DISC1: variants seen among roughly 807,000 people sequenced by gnomAD.
DISC1 encodes disrupted in schizophrenia 1 protein.
Under a neutral mutation model 84.5 loss-of-function variants are expected in DISC1, and 57 were observed. That is an observed-to-expected ratio of 0.67 (90% CI 0.55 to 0.84). The LOEUF (loss-of-function observed/expected upper bound fraction) is 0.84, where lower values mean the gene tolerates loss of function less well. Among genes scored for constraint, DISC1 ranks in the 40% least tolerant of loss-of-function variants. DISC1 has a pLI of 0.00. For synonymous variants in DISC1, 411 were observed against 415.2 expected (o/e 0.99, Z 0.12); for missense variants, 1,000 against 1,057.8 (o/e 0.95, Z 0.76).
rs544519977 is a variant in DISC1, at chr1:231,929,446, G to A, written c.1982-29382G>A. On this transcript the variant is annotated intron_variant, in intron 9 of 12. Transcript: ENST00000439617. ...TTTTTAACCCTGAGACGCCGAAAACGGCTTGAATCATTCATGCTGTCGTCT... is the reference window on the plus strand; with the variant it reads ...TTTTTAACCCTGAGACGCCGAAAACAGCTTGAATCATTCATGCTGTCGTCT... Among the ~76,000 whole-genome samples the A allele has an allele frequency of 4.6e-5, 7 of 152,290 alleles. No individual in the cohort carries two copies. The East Asian group carries it at 1.2e-3, about 25-fold the overall frequency.
chr1:231,697,733 G>A (rs944432251), intron 2 of DISC1, among the ~76,000 whole-genome samples: 1 of 151,582 alleles, frequency 6.6e-6, no homozygotes, highest in Non-Finnish European at 1.5e-5. Context: ...ACAGGCATGA[G>A]CCACCATGCC....
chr1:231,996,971 C>T (rs1309458051), intron 10 of DISC1, among the ~76,000 whole-genome samples: 2 of 152,166 alleles, frequency 1.3e-5, no homozygotes, highest in African/African-American at 4.8e-5. Context: ...GCAGAAATAG[C>T]AAAGCTTCTG....
intron 9 of DISC1, among the ~76,000 whole-genome samples, chr1:231,886,758 CCTTCCTTCCTTTCTTTCTTTCTTT>C (rs2086712949): frequency 1.0e-5 from 1 of 95,760 alleles, no homozygotes; most frequent in African/African-American, 3.9e-5. Context: ...TTCCTTTCTT[CCTTCCTTCCTTTCTTTCTTTCTTT>C]CTTTCTTTCT....
intron 10 of DISC1, among the ~76,000 whole-genome samples, chr1:231,987,745 G>C (rs774753355): frequency 2.0e-5 from 3 of 152,176 alleles, no homozygotes; most frequent in Non-Finnish European, 4.4e-5. Flanking sequence ...AAACTTCAAA[G>C]GGATCTAAGA....
chr1:231,821,122 T>C (rs1233802593), intron 9 of DISC1, among the ~76,000 whole-genome samples: 1 of 152,186 alleles, frequency 6.6e-6, no homozygotes, highest in Non-Finnish European at 1.5e-5. Flanking sequence ...TGATGTCTTT[T>C]AAAATAGTAA....
chr1:231,875,800 A>G (rs759706554), intron 9 of DISC1, among the ~76,000 whole-genome samples: 8 of 152,094 alleles, frequency 5.3e-5, no homozygotes, highest in Admixed American at 2.0e-4. Flanking sequence ...GACAACTTAG[A>G]TCATTCACAA....
At position 231,694,317 on chromosome 1, in the gene DISC1, T is replaced by C; in HGVS notation, c.559T>C (p.Cys187Arg). 1 of 1,614,270 alleles carries C rather than the reference T, an allele frequency of 6.2e-7. No individual in the cohort carries two copies. The highest frequency in any genetic ancestry group is 8.5e-7 in the Non-Finnish European group (1 of 1,180,046). Residue 187 changes from cysteine to arginine, a missense_variant, in exon 2 of 13, where the codon TGC (cysteine) becomes CGC (arginine). Around this residue, in one of 3 missense-constraint regions of DISC1, gnomAD observed 292 missense variants for 280.2 expected, o/e 1.04. Coordinates refer to ENST00000439617, the MANE Select transcript of DISC1 (RefSeq NM_018662.3). ...ATCAGCAGAGTTGAGTAGCAACAGC[T>C]GCAGCCCTGGCTGTGGCCCTGAGGT... Reference protein sequence around the residue: ...LPSAELSSNSCSPGCGPEVPP... With the variant: ...LPSAELSSNSRSPGCGPEVPP...
intron 6 of DISC1, among the ~76,000 whole-genome samples, chr1:231,791,442 A>T (rs2078345061): frequency 6.6e-6 from 1 of 152,220 alleles, no homozygotes; most frequent in African/African-American, 2.4e-5. Flanking sequence ...TACAATGTAG[A>T]TAATTAGAGT....
intron 1 of DISC1, among the ~76,000 whole-genome samples, chr1:231,667,943 C>T (rs2062178874): frequency 1.3e-5 from 2 of 151,806 alleles, no homozygotes; most frequent in Admixed American, 1.3e-4. Flanking sequence ...GTAATGCAAG[C>T]TACTTGGGAG....
chr1:231,960,955 T>C (rs6670775), intron 10 of DISC1, among the ~76,000 whole-genome samples: 33,562 of 152,194 alleles, frequency 0.22, 4,057 homozygotes, highest in African/African-American at 0.3. Context: ...AAAACACTTA[T>C]ATTTACTGGT....
chr1:231,692,816 C>T (rs1265580629), intron 1 of DISC1, among the ~76,000 whole-genome samples: 1 of 152,190 alleles, frequency 6.6e-6, no homozygotes, highest in African/African-American at 2.4e-5. Context: ...TCTCAGTTGC[C>T]TTTAATATAA....
At chr1:231,968,411 C>G (rs1016654478) in intron 10 of DISC1, among the ~76,000 whole-genome samples, 5 of 151,998 alleles carry the variant, frequency 3.3e-5, no homozygotes, top group Non-Finnish European at 5.9e-5. Context: ...GTACCCTGAG[C>G]AGACGTACCA....
chr1:231,959,814 G>A (rs1239468648), intron 10 of DISC1, among the ~76,000 whole-genome samples: 2 of 152,204 alleles, frequency 1.3e-5, no homozygotes, highest in Non-Finnish European at 2.9e-5. Flanking sequence ...GTGGTTAGCA[G>A]AGGTGAGCAG....
chr1:231,818,055 A>G (rs1057054284), intron 8 of DISC1, among the ~76,000 whole-genome samples: 3 of 152,194 alleles, frequency 2.0e-5, no homozygotes, highest in East Asian at 3.9e-4. Context: ...TTTTTGGGTC[A>G]TCATACTTTA....
rs181037363 is a variant in DISC1, at chr1:231,694,626, G to A, written c.868G>A (p.Asp290Asn). 5 of 1,614,262 alleles carry A rather than the reference G, an allele frequency of 3.1e-6. No individual in the cohort carries two copies. The East Asian group carries it at 8.9e-5, about 29-fold the overall frequency. ...AARNSSRPERDMHSLPDMDPG... is the reference protein window; with the variant it reads ...AARNSSRPERNMHSLPDMDPG... ...AAGGAACAGCTCCAGGCCAGAGCGT[G>A]ACATGCATTCTTTACCAGACATGGA... The change falls in exon 2 of 13, where the codon GAC (aspartate) becomes AAC (asparagine). Residue 290 changes from aspartate (D) to asparagine (N), a missense_variant. Coordinates refer to ENST00000439617, the MANE Select transcript of DISC1 (RefSeq NM_018662.3).
intron 10 of DISC1, among the ~76,000 whole-genome samples, chr1:231,967,586 T>G (rs1336451465): frequency 6.6e-6 from 1 of 152,232 alleles, no homozygotes; most frequent in African/African-American, 2.4e-5. Context: ...CATAGCAGTC[T>G]CCATAAAATA....
At chr1:231,797,522 T>C (rs1416586541) in intron 7 of DISC1, among the ~76,000 whole-genome samples, 2 of 152,160 alleles carry the variant, frequency 1.3e-5, no homozygotes, top group South Asian at 2.1e-4. Context: ...CTTCTTGTTG[T>C]ATTCCTGCAT....
chr1:231,822,796 C>T (rs541996445), intron 9 of DISC1, among the ~76,000 whole-genome samples: 1 of 152,294 alleles, frequency 6.6e-6, no homozygotes, highest in Admixed American at 6.5e-5. Context: ...TGCTTCCACT[C>T]ATGGCAGAAG....
chr1:231,773,298 T>C (rs748342247), intron 6 of DISC1, among the ~76,000 whole-genome samples: 1 of 152,224 alleles, frequency 6.6e-6, no homozygotes. Context: ...TGGTTTGCCT[T>C]TTAATCAGGA....
Sources: allele counts gnomAD v4.1 joint callset (sites outside exome capture counted in the v4.1 genomes callset), GRCh38; gene constraint gnomAD v4.1.1; regional missense constraint gnomAD v4.1.1; transcripts MANE v1.5; gene names NCBI Gene and HGNC (gene_info 2026-07-23, HGNC 2026-07-21).